The following IPCEF1 variants were observed in gnomAD, a reference collection of about 807,000 sequenced individuals.
IPCEF1 encodes the protein interaction protein for cytohesin exchange factors 1.
A neutral mutation model predicts 50.9 loss-of-function variants in IPCEF1; 31 were observed. That is an observed-to-expected ratio of 0.61 (90% confidence interval 0.46 to 0.82). The LOEUF is 0.82. IPCEF1 is among the 40% of genes least tolerant of loss of function. The probability of loss-of-function intolerance (pLI) is 0.00; values close to 1 mark genes in which losing one functional copy is unlikely to be tolerated. For synonymous variants in IPCEF1, 181 were observed against 192.0 expected, an observed-to-expected ratio of 0.94 and a Z score of 0.47; for missense variants, 458 against 514.0, an observed-to-expected ratio of 0.89 and a Z score of 1.05.
chr6:154,323,640 G>T (rs1783446700), intron 1 of IPCEF1, among the ~76,000 whole-genome samples: 1 of 152,112 alleles, frequency 6.6e-6, no homozygotes, highest in Admixed American at 6.6e-5. Flanking sequence ...AAAATGACAT[G>T]ATGTCTGATT....
At chr6:154,244,185 T>C (rs1034074017) in intron 5 of IPCEF1, among the ~76,000 whole-genome samples, 1 of 152,170 alleles carries the variant, frequency 6.6e-6, no homozygotes, top group Non-Finnish European at 1.5e-5. Context: ...TGGGTCTTAT[T>C]TCACAGTTGG....
At chr6:154,271,137 T>C (rs879338928) in intron 2 of IPCEF1, among the ~76,000 whole-genome samples, 1 of 151,954 alleles carries the variant, frequency 6.6e-6, no homozygotes, top group African/African-American at 2.4e-5. Flanking sequence ...GGTAGGAGGA[T>C]CACTTGAGGT....
intron 10 of IPCEF1, among the ~76,000 whole-genome samples, chr6:154,189,565 A>T (rs1311685965): frequency 1.3e-5 from 2 of 152,254 alleles, no homozygotes; most frequent in Admixed American, 1.3e-4. Flanking sequence ...GATAGCTAGA[A>T]GATTTTGAAT....
chr6:154,347,516 CAT>C (rs1295968067), intron 1 of IPCEF1, among the ~76,000 whole-genome samples: 4 of 152,218 alleles, frequency 2.6e-5, no homozygotes, highest in Admixed American at 2.6e-4. Flanking sequence ...GAGGACAGTA[CAT>C]GTTACCTCCA....
chr6:154,319,112 C>G (rs1387326558), intron 1 of IPCEF1, among the ~76,000 whole-genome samples: 2 of 152,150 alleles, frequency 1.3e-5, no homozygotes, highest in Non-Finnish European at 2.9e-5. Flanking sequence ...TATAATTGAA[C>G]ATACCAATTG....
intron 9 of IPCEF1, among the ~76,000 whole-genome samples, chr6:154,209,046 T>C (rs1777740828): frequency 6.6e-6 from 1 of 152,234 alleles, no homozygotes; most frequent in South Asian, 2.1e-4. Flanking sequence ...TTCTTTATTA[T>C]CTCGTGAAAT....
intron 3 of IPCEF1, among the ~76,000 whole-genome samples, chr6:154,262,124 C>T (rs1781615701): frequency 6.6e-6 from 1 of 152,092 alleles, no homozygotes; most frequent in Non-Finnish European, 1.5e-5. Context: ...GCAGTGCCGC[C>T]CAGACACTGA....
At position 154,186,279 on chromosome 6, in the gene IPCEF1, T is replaced by G. The variant is rs373847676; in HGVS notation, c.910+13389A>C. Among the ~76,000 whole-genome samples, 11 of 152,380 alleles carry G rather than the reference T, an allele frequency of 7.2e-5. No homozygotes were observed. The South Asian group carries it at 2.3e-3, about 32-fold the overall frequency. On this transcript the variant is annotated intron_variant, in intron 10 of 11. Transcript: ENST00000367220. Reference sequence around the variant, plus strand: ...GTGTTAGGTCTTTTCCATCTCATAATATGACAACTCTATTATTTTAGTCAT... The same window carrying G: ...GTGTTAGGTCTTTTCCATCTCATAAGATGACAACTCTATTATTTTAGTCAT...
intron 1 of IPCEF1, among the ~76,000 whole-genome samples, chr6:154,304,365 ATG>A (rs1782877621): frequency 6.6e-6 from 1 of 152,224 alleles, no homozygotes; most frequent in Admixed American, 6.5e-5. Context: ...GACTTTATTC[ATG>A]TTGAGAATAC....
intron 11 of IPCEF1, among the ~76,000 whole-genome samples, chr6:154,166,044 A>G (rs1799399109): frequency 6.6e-6 from 1 of 152,260 alleles, no homozygotes; most frequent in African/African-American, 2.4e-5. Flanking sequence ...GCTTGATCAC[A>G]GCCTTGTGAG....
At chr6:154,165,976 G>A (rs571546080) in intron 11 of IPCEF1, among the ~76,000 whole-genome samples, 2 of 152,336 alleles carry the variant, frequency 1.3e-5, no homozygotes, top group South Asian at 2.1e-4. Flanking sequence ...TAATTAACAT[G>A]CAGGAGTTTA....
chr6:154,279,289 G>GTAT (rs1057213532), intron 2 of IPCEF1, among the ~76,000 whole-genome samples: 1 of 152,048 alleles, frequency 6.6e-6, no homozygotes. Context: ...TAATAAAAAT[G>GTAT]TATAAGACTT....
chr6:154,189,917 C>T (rs1319985006), intron 10 of IPCEF1, among the ~76,000 whole-genome samples: 1 of 151,364 alleles, frequency 6.6e-6, no homozygotes, highest in Non-Finnish European at 1.5e-5. Flanking sequence ...ACACTCCAGC[C>T]TGGGCGACAG....
chr6:154,182,998 G>A (rs1446189777), intron 10 of IPCEF1, among the ~76,000 whole-genome samples: 2 of 145,878 alleles, frequency 1.4e-5, no homozygotes, highest in African/African-American at 5.1e-5. Flanking sequence ...CTTTTTTTTT[G>A]AGACGGACTC....
chr6:154,183,047 T>G (rs1473536228), intron 10 of IPCEF1, among the ~76,000 whole-genome samples: 2 of 152,074 alleles, frequency 1.3e-5, no homozygotes, highest in South Asian at 2.1e-4. Context: ...TGGTGTGATC[T>G]CAGCTCACTG....
At chr6:154,251,477 T>C (rs1415709104) in intron 3 of IPCEF1, among the ~76,000 whole-genome samples, 3 of 152,236 alleles carry the variant, frequency 2.0e-5, no homozygotes, top group Non-Finnish European at 4.4e-5. Flanking sequence ...TCTGAGTCTT[T>C]TCAAGATTAC....
intron 1 of IPCEF1, among the ~76,000 whole-genome samples, chr6:154,333,950 A>G (rs1017976345): frequency 3.9e-5 from 6 of 152,182 alleles, no homozygotes; most frequent in African/African-American, 1.4e-4. Flanking sequence ...TAAATAAAGT[A>G]TATCCACCAT....
intron 6 of IPCEF1, among the ~76,000 whole-genome samples, chr6:154,222,765 A>C (rs1778966546): frequency 6.6e-6 from 1 of 152,224 alleles, no homozygotes; most frequent in Non-Finnish European, 1.5e-5. Context: ...TGCATCTGAC[A>C]ACTCCATGAA....
rs917468596 is a variant in IPCEF1, at chr6:154,168,813, C to T, written c.911-700G>A. On this transcript the variant is annotated intron_variant, in intron 10 of 11. Coordinates refer to ENST00000367220, the MANE Select transcript of IPCEF1 (RefSeq NM_001130700.2). The surrounding 1 kb of genome is among the most constrained non-coding windows in gnomAD (Gnocchi z 4.1). ...TACAGACAGGGTTTCACCATGTTGC[C>T]CAGGCTGGTCTTGAACTCCTGACTT... Among the ~76,000 whole-genome samples, 2 of 151,580 alleles carry T rather than the reference C, an allele frequency of 1.3e-5. No homozygotes were observed. Among genetic ancestry groups the T allele is most frequent in the Non-Finnish European group, 2.9e-5 (2 of 67,940 alleles).
Sources: gnomAD v4.1 joint callset for allele counts (sites outside exome capture counted in the v4.1 genomes callset) on GRCh38, gnomAD v4.1.1 for gene constraint, Gnocchi (gnomAD v3.1) non-coding constraint, MANE v1.5 for transcripts, NCBI Gene and HGNC (gene_info 2026-07-23, HGNC 2026-07-21) for gene names.